Variants in UPF2 observed in about 807,000 individuals in gnomAD.
UPF2 encodes regulator of nonsense transcripts 2.
UPF2 carries 17 observed loss-of-function variants against 141.4 expected under a neutral mutation model. The observed-to-expected ratio is 0.12, with a 90% CI of 0.08 to 0.18. UPF2 has a LOEUF of 0.18. Ranked by LOEUF, UPF2 falls within the 10% of genes least tolerant of loss-of-function variation. UPF2 has a pLI of 1.00. For missense variants in UPF2, 1,152 were observed against 1,515.9 expected (o/e 0.76, Z 3.99); for synonymous variants, 540 against 498.0 (o/e 1.08, Z -1.12).
intron 3 of UPF2, among the ~76,000 whole-genome samples, chr10:12,018,792 A>G (rs1834269302): frequency 6.6e-6 from 1 of 152,168 alleles, no homozygotes; most frequent in Non-Finnish European, 1.5e-5. Flanking sequence ...AGGATCCTTT[A>G]GAAATTCTAA....
At chr10:12,001,003 T>C (rs760902845) in intron 6 of UPF2, among the ~76,000 whole-genome samples, 4 of 152,210 alleles carry the variant, frequency 2.6e-5, no homozygotes, top group South Asian at 2.1e-4. Flanking sequence ...AATACATTTA[T>C]GTTGTTTGTA....
chr10:11,950,107 G>A (rs982756601), intron 15 of UPF2, among the ~76,000 whole-genome samples: 1 of 151,864 alleles, frequency 6.6e-6, no homozygotes, highest in Non-Finnish European at 1.5e-5. Flanking sequence ...ATATTAACAC[G>A]ATTATCTTTC....
rs56170503 is a variant in UPF2, at chr10:12,032,297, C to CAA, written c.365+2760_365+2761dup. On this transcript the variant is annotated intron_variant, in intron 2 of 21. Transcript: ENST00000357604. The stretch of plus-strand genomic sequence containing the variant: ...CAACAAGAGTGAAACAACTCTGTCT[C>CAA]AAAAAAAAAAAAAAGAAAGAAAAGA... Among the ~76,000 whole-genome samples, 43 of 113,804 alleles carry CAA rather than the reference C, an allele frequency of 3.8e-4. No individual in the cohort carries two copies. In the East Asian group the frequency reaches 4.3e-3, roughly 11 times the overall value. The allele number at this position is 113,804 out of a possible 152,430, so 74.7% of individuals were successfully genotyped here. A position where few individuals can be genotyped will look rare whatever the true frequency, so the allele number is the denominator to read the frequency against.
chr10:11,945,781 C>G (rs1471466258), intron 16 of UPF2, among the ~76,000 whole-genome samples: 1 of 152,128 alleles, frequency 6.6e-6, no homozygotes, highest in East Asian at 1.9e-4. Flanking sequence ...TATTTACCAA[C>G]AATGCTGGAT....
chr10:12,040,163 G>A (rs886811593), intron 1 of UPF2, among the ~76,000 whole-genome samples: 1 of 152,046 alleles, frequency 6.6e-6, no homozygotes, highest in African/African-American at 2.4e-5. Context: ...GCTCATGCCT[G>A]TAATCCCAGC....
chr10:11,924,866 C>T (rs916711656), intron 21 of UPF2, among the ~76,000 whole-genome samples: 1 of 152,112 alleles, frequency 6.6e-6, no homozygotes, highest in Non-Finnish European at 1.5e-5. Context: ...GTTGCCCAGG[C>T]TGGAGTGCAA....
chr10:11,958,824 T>A (rs765922357), intron 12 of UPF2, among the ~76,000 whole-genome samples: 16 of 152,186 alleles, frequency 1.1e-4, no homozygotes, highest in Non-Finnish European at 2.1e-4. Flanking sequence ...GGGCCTCTTA[T>A]AACGTCTACT....
rs1050042202 is a variant in UPF2 at position 11,967,358 on chromosome 10, T to C, written c.2050A>G (p.Thr684Ala). 1.3e-6 allele frequency: 2 copies of C among 1,575,658 alleles called. No homozygotes were observed. Among genetic ancestry groups the C allele is most frequent in the Non-Finnish European group, 1.7e-6 (2 of 1,165,600 alleles). ...TKFKMFTKND[T>A]LHCLKMLLSD... ...GCACTAACCTTTAAACAATGCAGTG[T>C]GTCATTTTTGGTGAACATCTTAAAC... Residue 684 changes from threonine (T) to alanine (A), a missense_variant, in exon 10 of 22, where the codon ACA becomes GCA. Thr to Ala is a moderately conservative substitution (Grantham distance 58). Transcript: ENST00000357604.
chr10:11,943,706 A>T (rs1832965174), intron 16 of UPF2, among the ~76,000 whole-genome samples: 1 of 152,192 alleles, frequency 6.6e-6, no homozygotes, highest in Non-Finnish European at 1.5e-5. Flanking sequence ...ACACATGAAA[A>T]AACTGAGGCT....
chr10:12,023,446 G>A (rs754429077), intron 3 of UPF2, among the ~76,000 whole-genome samples: 4 of 149,692 alleles, frequency 2.7e-5, no homozygotes, highest in East Asian at 2.0e-4. Flanking sequence ...AGGCCGAGGC[G>A]GGAAGATCAT....
chr10:11,938,303 AT>A (rs879423184), intron 18 of UPF2, among the ~76,000 whole-genome samples: 71 of 150,448 alleles, frequency 4.7e-4, no homozygotes, highest in East Asian at 2.1e-3. Context: ...TTGACAGACA[AT>A]TTTTTTTTTA....
chr10:12,008,605 G>A (rs1427296894), intron 4 of UPF2, among the ~76,000 whole-genome samples: 1 of 137,192 alleles, frequency 7.3e-6, no homozygotes, highest in African/African-American at 2.8e-5. Flanking sequence ...ACTCCAGCCT[G>A]GGTGACAGAG....
At position 11,956,347 on chromosome 10, in the gene UPF2, C is replaced by T. The variant is rs778764000; in HGVS notation, c.2547G>A (p.Val849=). The T allele has an allele frequency of 6.2e-7, 1 of 1,614,122 alleles. No homozygotes were observed. The highest frequency in any genetic ancestry group is 8.5e-7 in the Non-Finnish European group (1 of 1,180,016). ...CCATTCCTAATCGAATATCTTCTAA[C>T]ACTCCATCCACAACGTGGATCCCAA... The part of the protein sequence containing the change: ...EDVGIHVVDG[V]LEDIRLGMEV... Residue 849 remains valine (V), a synonymous_variant, in exon 13 of 22, where the codon GTG becomes GTA. Transcript: ENST00000357604. This position sits in a 1 kb window ranked among gnomAD's most constrained non-coding sequence, Gnocchi z 4.2.
At chr10:11,927,149 A>C (rs537455097) in intron 21 of UPF2, among the ~76,000 whole-genome samples, 86 of 152,350 alleles carry the variant, frequency 5.6e-4, no homozygotes, top group South Asian at 3.9e-3. Flanking sequence ...TCCACAGTGC[A>C]GTCCTGGATG....
In UPF2 at chr10:11,955,333, A is replaced by G; in HGVS notation, c.2749T>C (p.Phe917Leu). Residue 917 changes from phenylalanine (F) to leucine (L), a missense_variant, in exon 14 of 22, where the codon TTC (phenylalanine) becomes CTC (leucine). This residue lies in a region of UPF2 where 739 missense variants were observed against 1,032.2 expected (regional missense o/e 0.72). Coordinates refer to ENST00000357604, the MANE Select transcript of UPF2 (RefSeq NM_015542.4). ...ATAGTGCATACGAGTCTAATTCTGA[A>G]AAGATGCTCAGGTGGGTCCAGGGAA... The part of the protein sequence containing the change: ...PSSLDPPEHL[F>L]RIRLVCTILD... 1 of 1,614,164 alleles carries G rather than the reference A, an allele frequency of 6.2e-7. No individual in the cohort carries two copies. Among genetic ancestry groups the G allele is most frequent in the South Asian group, 1.1e-5 (1 of 91,082 alleles).
At position 11,956,188 on chromosome 10, in the gene UPF2, TATAAA is replaced by T. The variant is rs1247989341; in HGVS notation, c.2574+127_2574+131del. ...GAGGAAAGTGTTTACAGGAAATTCT[TATAAA>T]ATGATTATCAGCTTTTTCTAACTAA... is the stretch of plus-strand genomic sequence containing the variant. On this transcript the variant is annotated intron_variant, in intron 13 of 21. Coordinates refer to ENST00000357604, the MANE Select transcript of UPF2 (RefSeq NM_015542.4). This position sits in a 1 kb window ranked among gnomAD's most constrained non-coding sequence, Gnocchi z 4.2. 1.1e-6 allele frequency: 1 copy of T among 897,458 alleles called. No homozygotes were observed. The highest frequency in any genetic ancestry group is 1.7e-6 in the Non-Finnish European group (1 of 586,856). The allele number at this position is 897,458 out of a possible 1,614,324, so 55.6% of individuals were successfully genotyped here.
intron 9 of UPF2, among the ~76,000 whole-genome samples, chr10:11,968,557 T>C (rs957207157): frequency 4.8e-4 from 73 of 152,320 alleles, no homozygotes; most frequent in African/African-American, 1.4e-3. Context: ...GCTACATTTT[T>C]ATTATAAATA....
At chr10:12,032,709 G>A (rs1834547282) in intron 2 of UPF2, among the ~76,000 whole-genome samples, 1 of 150,534 alleles carries the variant, frequency 6.6e-6, no homozygotes, top group African/African-American at 2.5e-5. Context: ...CTGCACTCCA[G>A]CCTGGGTGAC....
Position 11,955,450 on chromosome 10 carries a change from G to A in UPF2, c.2632C>T (p.Leu878Phe). 6.2e-7 allele frequency: 1 copy of A among 1,614,156 alleles called. No homozygotes were observed. Among genetic ancestry groups the A allele is most frequent in the Non-Finnish European group, 8.5e-7 (1 of 1,180,024 alleles). The change falls in exon 14 of 22, where the codon CTT becomes TTT. Residue 878 changes from leucine to phenylalanine, a missense_variant. By Grantham distance (22) the Leu-to-Phe change is conservative (BLOSUM62 0). Coordinates refer to ENST00000357604, the MANE Select transcript of UPF2 (RefSeq NM_015542.4). The stretch of plus-strand genomic sequence containing the variant: ...GATTCCACCATTCGGTAATTGTAAA[G>A]TTCTCCTAAGAACTTGGCACTGCTG... Reference protein sequence around the residue: ...RISSAKFLGELYNYRMVESAV... With the variant: ...RISSAKFLGEFYNYRMVESAV...
Sources: allele counts gnomAD v4.1 joint callset (sites outside exome capture counted in the v4.1 genomes callset), GRCh38; gene constraint gnomAD v4.1.1; regional missense constraint gnomAD v4.1.1; non-coding constraint Gnocchi (gnomAD v3.1); transcripts MANE v1.5; gene names NCBI Gene and HGNC (gene_info 2026-07-23, HGNC 2026-07-21).